SGCZ: variants seen among roughly 807,000 people sequenced by gnomAD.
The protein encoded by SGCZ is sarcoglycan zeta, also known as zeta-sarcoglycan.
A neutral mutation model predicts 41.3 loss-of-function variants in SGCZ; 40 were observed. The observed-to-expected ratio is 0.97, with a 90% CI of 0.75 to 1.26. The LOEUF (loss-of-function observed/expected upper bound fraction) is 1.26. Among genes scored for constraint, SGCZ ranks in the 50% most tolerant of loss-of-function variants. The pLI is 0.00. For missense variants in SGCZ, 552 were observed against 369.8 expected (o/e 1.49, Z -4.04); for synonymous variants, 206 against 137.5 (o/e 1.50, Z -3.49).
chr8:14,333,077 G>A (rs1033275437), intron 2 of SGCZ, among the ~76,000 whole-genome samples: 7 of 151,804 alleles, frequency 4.6e-5, no homozygotes, highest in South Asian at 2.1e-4. Context: ...ACAGGCAATT[G>A]GAATCACTGT....
intron 1 of SGCZ, among the ~76,000 whole-genome samples, chr8:14,717,778 T>C (rs2130167529): frequency 6.6e-6 from 1 of 152,134 alleles, no homozygotes; most frequent in Admixed American, 6.6e-5. Flanking sequence ...TCTACAACTG[T>C]GTGTGAAAAA....
chr8:15,037,762 TAAAC>T (rs1803925115), intron 1 of SGCZ, among the ~76,000 whole-genome samples: 1 of 152,104 alleles, frequency 6.6e-6, no homozygotes, highest in Non-Finnish European at 1.5e-5. Flanking sequence ...TTAGAAATAA[TAAAC>T]AAATTCAGTA....
chr8:14,344,925 T>C lies in SGCZ; in HGVS notation c.235-20721A>G, dbSNP rs546131145. 4.6e-5 allele frequency among the ~76,000 whole-genome samples: 7 copies of C among 152,196 alleles called. No homozygotes were observed. In the South Asian group the frequency reaches 1.5e-3, roughly 32 times the overall value. Reference sequence around the variant, plus strand: ...AGAGGGTTTCTAATGATAGTGGATTTCTACGATACAACTAATTTAGGGCAA... The same window carrying C: ...AGAGGGTTTCTAATGATAGTGGATTCCTACGATACAACTAATTTAGGGCAA... On this transcript the variant is annotated intron_variant, in intron 2 of 7. Transcript: ENST00000382080.
At chr8:14,617,552 C>A (rs530298532) in intron 1 of SGCZ, among the ~76,000 whole-genome samples, 2 of 152,114 alleles carry the variant, frequency 1.3e-5, no homozygotes, top group African/African-American at 2.4e-5. Flanking sequence ...TGGCAAAAAC[C>A]CAGGGCTTCT....
At position 15,237,755 on chromosome 8, in the gene SGCZ, C is replaced by T. The variant is rs555996801; in HGVS notation, c.-132G>A. 2.0e-5 allele frequency: 16 copies of T among 800,490 alleles called. No homozygotes were observed. The highest frequency in any genetic ancestry group is 1.9e-4 in the South Asian group (11 of 59,328). The allele number at this position is 800,490 out of a possible 1,614,324, so 49.6% of individuals were successfully genotyped here. ...GGCAGCTCCTCTCAGTCTCATTCTC[C>T]GTGGTCACGCCGCCTCCACCGGGTT... On this transcript the variant is annotated 5_prime_UTR_variant, in exon 1 of 8. Coordinates refer to ENST00000382080, the MANE Select transcript of SGCZ (RefSeq NM_139167.4).
intron 1 of SGCZ, among the ~76,000 whole-genome samples, chr8:14,943,592 C>T (rs987049288): frequency 6.6e-6 from 1 of 152,048 alleles, no homozygotes; most frequent in Non-Finnish European, 1.5e-5. Context: ...TATTTGGGTT[C>T]TGGGGTACAT....
intron 3 of SGCZ, among the ~76,000 whole-genome samples, chr8:14,312,235 G>C (rs1801570506): frequency 6.6e-6 from 1 of 152,004 alleles, no homozygotes; most frequent in Admixed American, 6.6e-5. Flanking sequence ...TTCTTACTGT[G>C]GTTCAAATTC....
chr8:14,428,602 C>G (rs1462227243), intron 2 of SGCZ, among the ~76,000 whole-genome samples: 1 of 152,154 alleles, frequency 6.6e-6, no homozygotes, highest in Non-Finnish European at 1.5e-5. Context: ...TGAAAGTTTA[C>G]TTTGAACTTT....
chr8:14,166,192 A>AT (rs1804204884), intron 4 of SGCZ, among the ~76,000 whole-genome samples: 1 of 152,188 alleles, frequency 6.6e-6, no homozygotes, highest in African/African-American at 2.4e-5. Context: ...AAAATAACAG[A>AT]TTTTTAAAAA....
intron 1 of SGCZ, among the ~76,000 whole-genome samples, chr8:14,616,797 C>G (rs1806120493): frequency 6.6e-6 from 1 of 152,076 alleles, no homozygotes. Flanking sequence ...TAGTAAAATT[C>G]AAATTTTATT....
intron 2 of SGCZ, among the ~76,000 whole-genome samples, chr8:14,368,392 T>G (rs1297562352): frequency 6.6e-6 from 1 of 152,058 alleles, no homozygotes; most frequent in Non-Finnish European, 1.5e-5. Context: ...TGGCATACAT[T>G]ATCCGTTAGA....
At chr8:15,217,553 A>G (rs1801448212) in intron 1 of SGCZ, among the ~76,000 whole-genome samples, 1 of 151,490 alleles carries the variant, frequency 6.6e-6, no homozygotes, top group South Asian at 2.1e-4. Flanking sequence ...CCAATCTAGG[A>G]GGGTTATAAC....
In SGCZ at chr8:14,090,569, G is replaced by T. The variant is rs1424537725; in HGVS notation, c.813C>A (p.Pro271=). 2.5e-6 allele frequency: 4 copies of T among 1,612,958 alleles called. No homozygotes were observed. The highest frequency in any genetic ancestry group is 1.1e-5 in the South Asian group (1 of 91,034). The change falls in exon 8 of 8, where the codon CCC becomes CCA. Residue 271 remains proline, a synonymous_variant. Coordinates refer to ENST00000382080, the MANE Select transcript of SGCZ (RefSeq NM_139167.4). ...CTGTCTGTCGAGAACTTGAGGAGCT[G>T]GGTGAAGAAGATGAGAAGGAGCCAG... is the stretch of plus-strand genomic sequence containing the variant. ...LPTGSFSSSS[P]SSSSSRQTVY...
At chr8:14,808,137 A>T (rs893648763) in intron 1 of SGCZ, among the ~76,000 whole-genome samples, 23 of 152,356 alleles carry the variant, frequency 1.5e-4, no homozygotes, top group African/African-American at 5.0e-4. Flanking sequence ...CCTAGAAGAT[A>T]ACCTAGGTAA....
In SGCZ at chr8:15,194,728, G is replaced by A. The variant is rs1585661323; in HGVS notation, c.39+42857C>T. 2.0e-5 allele frequency among the ~76,000 whole-genome samples: 3 copies of A among 152,154 alleles called. No individual in the cohort carries two copies. The East Asian group carries it at 5.8e-4, about 29-fold the overall frequency. ...GGAGGACCATAAGCCAGGGAGCCAA[G>A]GCCGCCTTTGGAAGTTAGAACAGGT... On this transcript the variant is annotated intron_variant, in intron 1 of 7. Transcript: ENST00000382080.
At chr8:15,032,570 C>T (rs1803714819) in intron 1 of SGCZ, among the ~76,000 whole-genome samples, 1 of 152,134 alleles carries the variant, frequency 6.6e-6, no homozygotes. Context: ...GGATGCAGGC[C>T]TGCTCAGCAG....
chr8:14,529,931 G>A (rs1803074089), intron 2 of SGCZ, among the ~76,000 whole-genome samples: 2 of 152,122 alleles, frequency 1.3e-5, no homozygotes, highest in African/African-American at 4.8e-5. Flanking sequence ...GAGTTTATCA[G>A]GCATTGCAAT....
intron 3 of SGCZ, among the ~76,000 whole-genome samples, chr8:14,241,780 A>G (rs1170557831): frequency 6.6e-6 from 1 of 152,174 alleles, no homozygotes; most frequent in African/African-American, 2.4e-5. Flanking sequence ...TCTGCTTACA[A>G]TTCTGTTACA....
intron 2 of SGCZ, among the ~76,000 whole-genome samples, chr8:14,517,716 T>G (rs1394728389): frequency 6.6e-6 from 1 of 152,028 alleles, no homozygotes; most frequent in Non-Finnish European, 1.5e-5. Context: ...GGATATTGCT[T>G]GATAATATTT....
Sources: allele counts gnomAD v4.1 joint callset (sites outside exome capture counted in the v4.1 genomes callset), GRCh38; gene constraint gnomAD v4.1.1; transcripts MANE v1.5; gene names NCBI Gene and HGNC (gene_info 2026-07-23, HGNC 2026-07-21).